Variants in LAMA5 observed in about 807,000 individuals in gnomAD.
The protein encoded by LAMA5 is laminin subunit alpha-5.
In LAMA5, 260 loss-of-function variants were observed where a neutral mutation model predicts 433.4. The ratio of observed to expected loss-of-function variants is 0.60; its 90% CI spans 0.54 to 0.66. LAMA5 has a LOEUF of 0.66. Ranked by LOEUF, LAMA5 falls within the 30% of genes least tolerant of loss-of-function variation. The probability of loss-of-function intolerance (pLI) is 0.00; values close to 1 mark genes in which losing one functional copy is unlikely to be tolerated. For synonymous variants in LAMA5, 2,620 were observed against 2,226.6 expected, an observed-to-expected ratio of 1.18 and a Z score of -4.97; for missense variants, 5,378 against 5,258.5, an observed-to-expected ratio of 1.02 and a Z score of -0.70.
chr20:62,329,770 G>A lies in LAMA5; in HGVS notation c.4119+7C>T. On this transcript the variant is annotated splice_region_variant and intron_variant, in intron 32 of 79. Coordinates refer to ENST00000252999, the MANE Select transcript of LAMA5 (RefSeq NM_005560.6). ...GGTCCCTGAGCAGGACATCAGCTGG[G>A]ACTCACCAGCCAGAGCCACCGGCCC... is the stretch of plus-strand genomic sequence containing the variant. The A allele has an allele frequency of 6.2e-7, 1 of 1,612,124 alleles. No homozygotes were observed. The highest frequency in any genetic ancestry group is 8.5e-7 in the Non-Finnish European group (1 of 1,179,634).
In LAMA5 at chr20:62,325,587, T is replaced by TGGGACAGAACA. The variant is rs150035437; in HGVS notation, c.5299-52_5299-42dup. The TGGGACAGAACA allele has an allele frequency of 1.3e-3, 1,743 of 1,392,950 alleles. 16 individuals carry two copies. In the African/African-American group the frequency reaches 0.02, roughly 16 times the overall value. The allele number at this position is 1,392,950 out of a possible 1,614,324, so 86.3% of individuals were successfully genotyped here. Reference sequence around the variant, plus strand: ...GGCACCTCAGTGGGGCCACACTCAATGGGACAGAACAGGGAGCCTAGAACA... The same window carrying TGGGACAGAACA: ...GGCACCTCAGTGGGGCCACACTCAATGGGACAGAACAGGGACAGAACAGGGAGCCTAGAACA... On this transcript the variant is annotated intron_variant, in intron 40 of 79. Transcript: ENST00000252999.
chr20:62,322,104 G>A lies in LAMA5; in HGVS notation c.6411C>T (p.Leu2137=), dbSNP rs372456068. Reference sequence around the variant, plus strand: ...TGCAGGTGTCGCAGCGCTCCCCGCTGAGCCCCGGGGGGCAGTTGCAGCGGC... The same window carrying A: ...TGCAGGTGTCGCAGCGCTCCCCGCTAAGCCCCGGGGGGCAGTTGCAGCGGC... The part of the protein sequence containing the change: ...HTGRCNCPPG[L]SGERCDTCSQ... Residue 2137 remains leucine (L), a synonymous_variant, in exon 48 of 80, where the codon CTC becomes CTT. Transcript: ENST00000252999. The A allele has an allele frequency of 2.7e-5, 44 of 1,602,832 alleles. No homozygotes were observed. Among genetic ancestry groups the A allele is most frequent in the Non-Finnish European group, 3.6e-5 (42 of 1,179,132 alleles).
chr20:62,314,773 C>T (rs760466558), intron 60 of LAMA5, 26 bp downstream of exon 60: 45 of 1,612,700 alleles, frequency 2.8e-5, no homozygotes, highest in Non-Finnish European at 3.7e-5. Flanking sequence ...CCCTGATGTC[C>T]ACCTTCCCCT....
At chr20:62,317,958 T>G (rs1289213049) in intron 53 of LAMA5, among the ~76,000 whole-genome samples, 180 bp from the exon 54 acceptor site, 17 of 15,812 alleles carry the variant, frequency 1.1e-3, no homozygotes, top group Non-Finnish European at 1.3e-3. Context: ...GATGGAGGGG[T>G]AGAGAGAAAA....
At position 62,314,547 on chromosome 20, in the gene LAMA5, C is replaced by G. The variant is rs374389025; in HGVS notation, c.8367+8G>C. The G allele has an allele frequency of 5.0e-6, 8 of 1,606,606 alleles. No homozygotes were observed. The highest frequency in any genetic ancestry group is 4.0e-5 in the African/African-American group (3 of 74,952). On this transcript the variant is annotated splice_region_variant and intron_variant, in intron 61 of 79. Coordinates refer to ENST00000252999, the MANE Select transcript of LAMA5 (RefSeq NM_005560.6). ...GCTCGGGCCGCATCCACCCAGCCAG[C>G]CTGGTACCTGGCGGCTGCCCATGTA...
At chr20:62,319,246 G>A in intron 51 of LAMA5, 3 of 560,774 alleles carry the variant, frequency 5.3e-6, no homozygotes, top group South Asian at 2.3e-5. Context: ...TGCTCAGCCA[G>A]CTTCTGAGCC....
chr20:62,348,632 A>G (rs557794932), intron 6 of LAMA5, among the ~76,000 whole-genome samples: 9 of 152,268 alleles, frequency 5.9e-5, no homozygotes, highest in African/African-American at 2.2e-4. Context: ...AAAATAAAAA[A>G]GAAATCTAAA....
chr20:62,323,910 G>A, intron 43 of LAMA5, 54 bp from the exon 44 acceptor site: 1 of 1,526,456 alleles, frequency 6.6e-7, no homozygotes, highest in Admixed American at 2.0e-5. Flanking sequence ...CCGGGCCCGG[G>A]CGAGCACACT....
chr20:62,325,622 A>G, intron 40 of LAMA5, 76 bp from the exon 41 acceptor site: 1 of 935,238 alleles, frequency 1.1e-6, no homozygotes, highest in Non-Finnish European at 1.6e-6. Context: ...AGACCCCCCA[A>G]CCCTGTAGGG....
At chr20:62,365,636 T>TC (rs1420635281) in intron 1 of LAMA5, among the ~76,000 whole-genome samples, 3 of 152,086 alleles carry the variant, frequency 2.0e-5, no homozygotes, top group African/African-American at 7.2e-5. Context: ...TCACAGGCCC[T>TC]CCGTCCTGAG....
At chr20:62,347,743 A>G (rs1041780741) in intron 6 of LAMA5, among the ~76,000 whole-genome samples, 4 of 152,174 alleles carry the variant, frequency 2.6e-5, no homozygotes, top group African/African-American at 9.7e-5. Context: ...CCTGCCCCAG[A>G]TCAGGCTCTG....
Position 62,352,092 on chromosome 20 carries a change from T to C in LAMA5, c.688-13A>G, listed in dbSNP as rs1601409040. 1 of 1,610,144 alleles carries C rather than the reference T, an allele frequency of 6.2e-7. No homozygotes were observed. The highest frequency in any genetic ancestry group is 8.5e-7 in the Non-Finnish European group (1 of 1,179,558). ...GGGACACCACGATCTGTGGGCAGTA[T>C]GCGGTGACGCCAGTGTGGCCCTAGC... On this transcript the variant is annotated splice_polypyrimidine_tract_variant and intron_variant, in intron 4 of 79. Transcript: ENST00000252999.
intron 11 of LAMA5, among the ~76,000 whole-genome samples, chr20:62,345,111 G>A (rs1235467846): frequency 7.9e-5 from 12 of 151,590 alleles, no homozygotes; most frequent in African/African-American, 2.4e-4. Context: ...TCCGCCTCCC[G>A]GGTTCAAGCG....
At position 62,319,741 on chromosome 20, in the gene LAMA5, G is replaced by A; in HGVS notation, c.6814C>T (p.Leu2272=). ...SQLLAGTEAT[L]GHAKTLLAAI... ...GCCAACAGCGTCTTCGCATGGCCCA[G>A]TGTGGCCTCGGTGCCGGCCAGCAAT... Residue 2272 remains leucine (L), a synonymous_variant, in exon 51 of 80, where the codon CTG becomes TTG. Coordinates refer to ENST00000252999, the MANE Select transcript of LAMA5 (RefSeq NM_005560.6). 1 of 1,549,350 alleles carries A rather than the reference G, an allele frequency of 6.5e-7. No homozygotes were observed. Among genetic ancestry groups the A allele is most frequent in the South Asian group, 1.2e-5 (1 of 84,184 alleles).
At chr20:62,333,736 G>A (rs1445575629) in intron 23 of LAMA5, 30 bp from the exon 24 acceptor site, 1 of 1,547,538 alleles carries the variant, frequency 6.5e-7, no homozygotes, top group Non-Finnish European at 8.7e-7. Flanking sequence ...AGACTCCTGA[G>A]CCCAGCCCTT....
chr20:62,332,251 C>T, intron 28 of LAMA5, 121 bp downstream of exon 28: 1 of 696,158 alleles, frequency 1.4e-6, no homozygotes. Context: ...CTGGGCTGGG[C>T]ATGAGCGAGT....
intron 28 of LAMA5, among the ~76,000 whole-genome samples, chr20:62,331,727 C>T (rs776028832): frequency 1.6e-4 from 24 of 152,308 alleles, no homozygotes; most frequent in African/African-American, 4.1e-4. Context: ...GTGGGAGACG[C>T]GGCTGCACAG....
chr20:62,322,390 G>A lies in LAMA5; in HGVS notation c.6225C>T (p.Ala2075=), dbSNP rs1374240887. 30 of 1,592,346 alleles carry A rather than the reference G, an allele frequency of 1.9e-5. No individual in the cohort carries two copies. Among genetic ancestry groups the A allele is most frequent in the East Asian group, 4.6e-5 (2 of 43,802 alleles). Residue 2075 remains alanine (A), a synonymous_variant, in exon 47 of 80, where the codon GCC becomes GCT. Transcript: ENST00000252999. Reference sequence around the variant, plus strand: ...GGGGGTGGCACTCGGAGCCCTCGGCGGCCGGTCCACAAGCACACGGGCGGC... The same window carrying A: ...GGGGGTGGCACTCGGAGCCCTCGGCAGCCGGTCCACAAGCACACGGGCGGC... ...GGCRPCACGP[A]AEGSECHPQS... is the part of the protein sequence containing the mutation.
In LAMA5 at chr20:62,337,449, AAC is replaced by A. The variant is rs1161511192; in HGVS notation, c.2164+139_2164+140del. The A allele has an allele frequency of 1.7e-5, 20 of 1,182,826 alleles. No individual in the cohort carries two copies. The African/African-American group carries it at 2.9e-4, about 17-fold the overall frequency. 73.3% of individuals were successfully genotyped at this position (1,182,826 alleles called of 1,614,324 possible). On this transcript the variant is annotated intron_variant, in intron 16 of 79. Coordinates refer to ENST00000252999, the MANE Select transcript of LAMA5 (RefSeq NM_005560.6). ...CTGCACGGCATGTGAACAAGGTGCG[AAC>A]ACAGAGCGTGGGGACGCAGTCGCAG...
Sources: gnomAD v4.1 joint callset for allele counts (sites outside exome capture counted in the v4.1 genomes callset) on GRCh38, gnomAD v4.1.1 for gene constraint, MANE v1.5 for transcripts, NCBI Gene and HGNC (gene_info 2026-07-23, HGNC 2026-07-21) for gene names.